The following RGS7 variants were observed in gnomAD, a reference collection of about 807,000 sequenced individuals.
The protein encoded by RGS7 is regulator of G-protein signaling 7.
In RGS7, 27 loss-of-function variants were observed where a neutral mutation model predicts 81.1. The ratio of observed to expected loss-of-function variants is 0.33; its 90% CI spans 0.25 to 0.46. The LOEUF (loss-of-function observed/expected upper bound fraction) is 0.46. Among genes scored for constraint, RGS7 ranks in the 20% least tolerant of loss-of-function variants. RGS7 has a pLI of 1.00. For synonymous variants in RGS7, 208 were observed against 207.7 expected (o/e 1.00, Z -0.01); for missense variants, 396 against 607.4 (o/e 0.65, Z 3.66).
At chr1:241,059,620 G>A (rs183029590) in intron 3 of RGS7, among the ~76,000 whole-genome samples, 5,293 of 152,182 alleles carry the variant, frequency 0.035, 146 homozygotes, top group East Asian at 0.11. Flanking sequence ...CTATAGGAAG[G>A]GGGTGTAAAG....
chr1:241,052,471 G>C (rs569156826), intron 3 of RGS7, among the ~76,000 whole-genome samples: 2 of 152,244 alleles, frequency 1.3e-5, no homozygotes, highest in African/African-American at 4.8e-5. Context: ...CCCATGCACA[G>C]TGTCATGTAC....
chr1:240,849,253 G>GT (rs1659652577), intron 9 of RGS7, among the ~76,000 whole-genome samples: 1 of 152,010 alleles, frequency 6.6e-6, no homozygotes, highest in African/African-American at 2.4e-5. Context: ...TTTATTGTAA[G>GT]TTCTACCTTA....
At chr1:241,211,867 A>T (rs1380310516) in intron 2 of RGS7, among the ~76,000 whole-genome samples, 1 of 152,210 alleles carries the variant, frequency 6.6e-6, no homozygotes, top group Non-Finnish European at 1.5e-5. Flanking sequence ...TTTTCACAAG[A>T]TTCTAAAAAT....
intron 2 of RGS7, among the ~76,000 whole-genome samples, chr1:241,139,087 A>T (rs935620156): frequency 2.0e-5 from 3 of 149,708 alleles, no homozygotes; most frequent in African/African-American, 7.3e-5. Flanking sequence ...TACTTGGCAG[A>T]TTTTTTTTTT....
chr1:241,274,991 T>A lies in RGS7; in HGVS notation c.78+80708A>T, dbSNP rs1393802321. ...TGGTAGAGTAAACATGATTCTATAT[T>A]ATCTGAATAGCTACTTGGTTTAACT... On this transcript the variant is annotated intron_variant, in intron 2 of 18. Transcript: ENST00000440928. 2.0e-5 allele frequency among the ~76,000 whole-genome samples: 3 copies of A among 152,236 alleles called. No homozygotes were observed. In the South Asian group the frequency reaches 6.2e-4, roughly 31 times the overall value.
At chr1:240,982,764 A>G (rs1042256861) in intron 4 of RGS7, among the ~76,000 whole-genome samples, 1 of 152,240 alleles carries the variant, frequency 6.6e-6, no homozygotes, top group Non-Finnish European at 1.5e-5. Flanking sequence ...TTAATTCATA[A>G]TCACTTGCCA....
intron 3 of RGS7, among the ~76,000 whole-genome samples, chr1:241,036,286 CAG>C (rs1444710404): frequency 1.3e-5 from 2 of 152,156 alleles, no homozygotes; most frequent in Admixed American, 6.6e-5. Flanking sequence ...GCAAAAATAT[CAG>C]ATGATCATTT....
chr1:241,034,732 G>A (rs891356177), intron 3 of RGS7, among the ~76,000 whole-genome samples: 3 of 152,278 alleles, frequency 2.0e-5, no homozygotes, highest in Non-Finnish European at 2.9e-5. Context: ...GGGCAAAAGA[G>A]GTTCTGATGG....
At chr1:240,807,740 G>C (rs140077234) in intron 14 of RGS7, among the ~76,000 whole-genome samples, 1 of 152,198 alleles carries the variant, frequency 6.6e-6, no homozygotes, top group African/African-American at 2.4e-5. Flanking sequence ...ACTCTAATAG[G>C]AATACTATGC....
At chr1:241,088,997 G>A (rs2063658998) in intron 3 of RGS7, among the ~76,000 whole-genome samples, 1 of 137,552 alleles carries the variant, frequency 7.3e-6, no homozygotes, top group Non-Finnish European at 1.5e-5. Context: ...CTGCACTCCA[G>A]CCTGGGCCAC....
intron 3 of RGS7, among the ~76,000 whole-genome samples, chr1:241,050,258 T>A (rs997103925): frequency 1.0e-5 from 1 of 97,772 alleles, no homozygotes; most frequent in Non-Finnish European, 2.3e-5. Context: ...GCCTGAGGGG[T>A]GGCTATTAGT....
chr1:241,265,009 T>C (rs911141750), intron 2 of RGS7, among the ~76,000 whole-genome samples: 5 of 152,204 alleles, frequency 3.3e-5, no homozygotes, highest in Non-Finnish European at 7.3e-5. Flanking sequence ...GTTTCTGCTT[T>C]TCTCTGAGTG....
intron 2 of RGS7, among the ~76,000 whole-genome samples, chr1:241,129,085 C>T (rs1274406473): frequency 6.6e-6 from 1 of 152,054 alleles, no homozygotes; most frequent in Non-Finnish European, 1.5e-5. Context: ...ACTCCTCTAA[C>T]ATTTTGAAAA....
chr1:241,271,162 C>T lies in RGS7; in HGVS notation c.78+84537G>A, dbSNP rs116427529. Among the ~76,000 whole-genome samples the T allele has an allele frequency of 0.01, 1,536 of 152,166 alleles. 11 individuals carry two copies. Among genetic ancestry groups the T allele is most frequent in the African/African-American group, 0.02 (834 of 41,518 alleles). Reference sequence around the variant, plus strand: ...TTTCTATTGGCGGGAACTTACGTGGCTAAAACGTCTCCTTTATAATGTGGA... The same window carrying T: ...TTTCTATTGGCGGGAACTTACGTGGTTAAAACGTCTCCTTTATAATGTGGA... On this transcript the variant is annotated intron_variant, in intron 2 of 18. Transcript: ENST00000440928. The surrounding 1 kb of genome is among the most constrained non-coding windows in gnomAD (Gnocchi z 4.6).
In RGS7 at chr1:241,098,707, G is replaced by A. The variant is rs766529566; in HGVS notation, c.134C>T (p.Thr45Met). The A allele has an allele frequency of 1.6e-5, 26 of 1,613,414 alleles. No individual in the cohort carries two copies. The highest frequency in any genetic ancestry group is 4.5e-5 in the East Asian group (2 of 44,854). Residue 45 changes from threonine to methionine, a missense_variant, in exon 3 of 19, where the codon ACG becomes ATG. Coordinates refer to ENST00000440928, the MANE Select transcript of RGS7 (RefSeq NM_001364886.1). ...TATCTTGGAAAGAAAGCTTTTGACC[G>A]TACGAATAGGAATTCCATTTTTTTC... ...QDEKNGIPIR[T>M]VKSFLSKIPS...
Position 241,235,909 on chromosome 1 carries a change from T to TGAGAGAGAAA in RGS7, c.78+119789_78+119790insTTTCTCTCTC, listed in dbSNP as rs11274117. Among the ~76,000 whole-genome samples, 250 of 137,996 alleles carry TGAGAGAGAAA rather than the reference T, an allele frequency of 1.8e-3. 9 individuals are homozygous for TGAGAGAGAAA. Among genetic ancestry groups the TGAGAGAGAAA allele is most frequent in the East Asian group, 0.01 (50 of 4,990 alleles). 90.5% of individuals were successfully genotyped at this position (137,996 alleles called of 152,430 possible). On this transcript the variant is annotated intron_variant, in intron 2 of 18. Transcript: ENST00000440928. ...GGGTGAACCCCTAGGAGATGCACTT[T>TGAGAGAGAAA]GAGAGAGAGAGAGAGAGAGAGAGAA...
chr1:240,877,553 T>A (rs1665649888), intron 6 of RGS7, among the ~76,000 whole-genome samples: 1 of 152,142 alleles, frequency 6.6e-6, no homozygotes, highest in Non-Finnish European at 1.5e-5. Context: ...TGTGGCTAAC[T>A]TTTCATATCA....
intron 2 of RGS7, among the ~76,000 whole-genome samples, chr1:241,350,750 A>G (rs1383401858): frequency 1.4e-5 from 2 of 138,420 alleles, no homozygotes; most frequent in African/African-American, 5.2e-5. Flanking sequence ...TCAAAAAAAA[A>G]AAAAAAAAAA....
At chr1:240,793,369 C>A (rs1171891148) in intron 18 of RGS7, among the ~76,000 whole-genome samples, 2 of 151,806 alleles carry the variant, frequency 1.3e-5, no homozygotes, top group African/African-American at 4.8e-5. Flanking sequence ...TTTTCTCAGG[C>A]AAGTTATCAT....
Sources: gnomAD v4.1 joint callset for allele counts (sites outside exome capture counted in the v4.1 genomes callset) on GRCh38, gnomAD v4.1.1 for gene constraint, Gnocchi (gnomAD v3.1) non-coding constraint, MANE v1.5 for transcripts, NCBI Gene and HGNC (gene_info 2026-07-23, HGNC 2026-07-21) for gene names.